FAT1: variants seen among roughly 807,000 people sequenced by gnomAD.
FAT1 encodes FAT atypical cadherin 1.
A neutral mutation model predicts 329.8 loss-of-function variants in FAT1; 171 were observed. The ratio of observed to expected loss-of-function variants is 0.52; its 90% CI spans 0.46 to 0.59. The LOEUF (loss-of-function observed/expected upper bound fraction) is 0.59, where lower values mean the gene tolerates loss of function less well. Among genes scored for constraint, FAT1 ranks in the 20% least tolerant of loss-of-function variants. The pLI is 0.00. For synonymous variants in FAT1, 2,233 were observed against 2,228.6 expected (o/e 1.00, Z -0.06); for missense variants, 5,672 against 5,774.4 (o/e 0.98, Z 0.57).
Position 186,618,880 on chromosome 4 carries a change from A to T in FAT1, c.7706T>A (p.Met2569Lys), listed in dbSNP as rs1267201807. 6.2e-7 allele frequency: 1 copy of T among 1,614,020 alleles called. No homozygotes were observed. The highest frequency in any genetic ancestry group is 1.7e-5 in the Admixed American group (1 of 60,026). Residue 2569 changes from methionine to lysine, a missense_variant, in exon 10 of 27, where the codon ATG becomes AAG. Transcript: ENST00000441802. ...AACTTTTCCTCCAGCATCCTTAGCC[A>T]TTAAACGGACTGAGATCACTTTCTC... ...PAEKVISVRL[M>K]AKDAGGKVAF...
chr4:186,644,628 A>G (rs1741271712), intron 3 of FAT1, among the ~76,000 whole-genome samples: 1 of 152,222 alleles, frequency 6.6e-6, no homozygotes, highest in Non-Finnish European at 1.5e-5. Flanking sequence ...CCACTTAGAC[A>G]TTTAGAGATG....
chr4:186,683,225 C>A (rs527826116), intron 2 of FAT1, among the ~76,000 whole-genome samples: 19 of 152,342 alleles, frequency 1.2e-4, no homozygotes, highest in African/African-American at 3.8e-4. Context: ...TTAACACATG[C>A]CCTGTTTTCC....
intron 3 of FAT1, among the ~76,000 whole-genome samples, chr4:186,652,864 T>C (rs1456865404): frequency 6.6e-6 from 1 of 152,208 alleles, no homozygotes; most frequent in Non-Finnish European, 1.5e-5. Context: ...GCACCCAGTA[T>C]ACCTACCAGC....
chr4:186,648,682 G>C (rs987831970), intron 3 of FAT1, among the ~76,000 whole-genome samples: 2 of 152,132 alleles, frequency 1.3e-5, no homozygotes, highest in African/African-American at 4.8e-5. Flanking sequence ...TCCTACCAAG[G>C]AAAGTGTTCA....
chr4:186,638,427 CT>C (rs1740936488), intron 4 of FAT1, among the ~76,000 whole-genome samples: 1 of 152,158 alleles, frequency 6.6e-6, no homozygotes, highest in African/African-American at 2.4e-5. Context: ...GCATTTGCCC[CT>C]TCTGTCAATC....
chr4:186,618,971 T>C lies in FAT1; in HGVS notation c.7615A>G (p.Arg2539Gly), dbSNP rs1239739775. ...TGTCCTCTCTCATTTATGTAAAATC[T>C]GTCTTTGGCAAAGTCATTTACAATA... is the stretch of plus-strand genomic sequence containing the variant. ...YHIVNDFAKD[R>G]FYINERGQIF... The change falls in exon 10 of 27, where the codon AGA (arginine) becomes GGA (glycine). Residue 2539 changes from arginine (R) to glycine (G), a missense_variant. Arg to Gly is a moderately radical substitution (Grantham distance 125). This residue lies in a region of FAT1 where 3,966 missense variants were observed against 3,915.2 expected (regional missense o/e 1.01). Transcript: ENST00000441802. 3 of 1,613,886 alleles carry C rather than the reference T, an allele frequency of 1.9e-6. No homozygotes were observed. The highest frequency in any genetic ancestry group is 1.7e-6 in the Non-Finnish European group (2 of 1,179,904).
intron 11 of FAT1, among the ~76,000 whole-genome samples, chr4:186,615,813 A>T (rs1246743091): frequency 1.3e-5 from 2 of 152,070 alleles, no homozygotes; most frequent in Admixed American, 1.3e-4. Context: ...GTCAATTTTC[A>T]GCTATCCAGA....
chr4:186,643,384 C>T (rs920355971), intron 3 of FAT1, among the ~76,000 whole-genome samples: 1 of 152,144 alleles, frequency 6.6e-6, no homozygotes, highest in African/African-American at 2.4e-5. Context: ...CAACAACAAA[C>T]TTTCTTTCTA....
intron 17 of FAT1, among the ~76,000 whole-genome samples, chr4:186,605,384 G>T (rs1739068691): frequency 7.1e-6 from 1 of 139,946 alleles, no homozygotes. Context: ...GGAGGAGAAA[G>T]AGTGGAGACA....
At chr4:186,671,815 TGG>T (rs1742746291) in intron 2 of FAT1, among the ~76,000 whole-genome samples, 1 of 151,986 alleles carries the variant, frequency 6.6e-6, no homozygotes. Flanking sequence ...TGTGTGTGTG[TGG>T]TGTGTGTGTG....
chr4:186,627,598 A>G (rs919789802), intron 9 of FAT1, among the ~76,000 whole-genome samples: 6 of 152,134 alleles, frequency 3.9e-5, no homozygotes, highest in Non-Finnish European at 7.4e-5. Flanking sequence ...CCTCAACCCA[A>G]TTCCATGAGG....
Position 186,619,232 on chromosome 4 carries a change from G to A in FAT1, c.7354C>T (p.Leu2452=), listed in dbSNP as rs1417544162. The A allele has an allele frequency of 5.6e-6, 9 of 1,614,008 alleles. 1 individual carries two copies. The Middle Eastern group carries it at 6.6e-4, about 118-fold the overall frequency. Reference sequence around the variant, plus strand: ...AATGGCTTCAGGGCGTGCCGGTGCAGGTTTGAGAGGGTGATAATCCCTGTT... The same window carrying A: ...AATGGCTTCAGGGCGTGCCGGTGCAAGTTTGAGAGGGTGATAATCCCTGTT... ...SATGIITLSN[L]HRHALKPFYS... Residue 2452 remains leucine, a synonymous_variant, in exon 10 of 27, where the codon CTG becomes TTG. Transcript: ENST00000441802.
In FAT1 at chr4:186,609,256, T is replaced by C. The variant is rs1739281574; in HGVS notation, c.10133A>G (p.Asn3378Ser). The change falls in exon 16 of 27, where the codon AAC becomes AGC. Residue 3378 changes from asparagine (N) to serine (S), a missense_variant. This residue lies in a region of FAT1 where 1,706 missense variants were observed against 1,859.1 expected (regional missense o/e 0.92). Transcript: ENST00000441802. ...SHIHYSIIDGNQGSSFTIDPV... is the reference protein window; with the variant it reads ...SHIHYSIIDGSQGSSFTIDPV... ...GTCAATTGTGAACGAGCTTCCTTGG[T>C]TGCCATCTATAATTGAGTAGTGGAT... 1 of 1,613,954 alleles carries C rather than the reference T, an allele frequency of 6.2e-7. No homozygotes were observed. The highest frequency in any genetic ancestry group is 1.7e-5 in the Admixed American group (1 of 60,012).
At chr4:186,664,040 G>T (rs988862964) in intron 2 of FAT1, among the ~76,000 whole-genome samples, 1 of 152,102 alleles carries the variant, frequency 6.6e-6, no homozygotes, top group Non-Finnish European at 1.5e-5. Flanking sequence ...GGCTACTCAG[G>T]AAGACAGGGA....
chr4:186,633,994 G>C (rs1474565687), intron 6 of FAT1, among the ~76,000 whole-genome samples, 171 bp from the exon 7 acceptor site: 1 of 152,122 alleles, frequency 6.6e-6, no homozygotes, highest in East Asian at 1.9e-4. Flanking sequence ...GACAATGCTT[G>C]TTAAGGCAAA....
At chr4:186,659,922 A>G (rs996074228) in intron 3 of FAT1, among the ~76,000 whole-genome samples, 1 of 151,314 alleles carries the variant, frequency 6.6e-6, no homozygotes, top group Non-Finnish European at 1.5e-5. Context: ...CGGCTGTGGC[A>G]CCTGTCCCCT....
At chr4:186,667,442 A>G (rs1742506256) in intron 2 of FAT1, among the ~76,000 whole-genome samples, 1 of 152,252 alleles carries the variant, frequency 6.6e-6, no homozygotes, top group Non-Finnish European at 1.5e-5. Flanking sequence ...AATGAGTGAG[A>G]TGCTGGATGT....
chr4:186,657,159 T>C (rs6823285), intron 3 of FAT1, among the ~76,000 whole-genome samples: 1 of 152,036 alleles, frequency 6.6e-6, no homozygotes, highest in Non-Finnish European at 1.5e-5. Context: ...AATGGAAGTA[T>C]GTGTCCACAG....
intron 26 of FAT1, among the ~76,000 whole-genome samples, chr4:186,594,588 AC>A (rs1323034230): frequency 6.8e-6 from 1 of 147,516 alleles, no homozygotes; most frequent in Non-Finnish European, 1.5e-5. Context: ...CCTAATCAAC[AC>A]AGGTATATTT....
Sources: gnomAD v4.1 joint callset for allele counts (sites outside exome capture counted in the v4.1 genomes callset) on GRCh38, gnomAD v4.1.1 for gene constraint, gnomAD v4.1.1 regional missense constraint, MANE v1.5 for transcripts, NCBI Gene and HGNC (gene_info 2026-07-23, HGNC 2026-07-21) for gene names.